USP24: variants seen among roughly 807,000 people sequenced by gnomAD.
The protein encoded by USP24 is ubiquitin carboxyl-terminal hydrolase 24.
USP24 carries 97 observed loss-of-function variants against 361.6 expected under a neutral mutation model. The observed-to-expected ratio is 0.27, with a 90% confidence interval of 0.23 to 0.32. The LOEUF (loss-of-function observed/expected upper bound fraction) is 0.32, where lower values mean the gene tolerates loss of function less well. Among genes scored for constraint, USP24 ranks in the 10% least tolerant of loss-of-function variants. The pLI, the probability that USP24 is intolerant of heterozygous loss-of-function variation, is 1.00. For synonymous variants in USP24, 1,098 were observed against 1,124.6 expected, an observed-to-expected ratio of 0.98 and a Z score of 0.47; for missense variants, 2,353 against 3,165.6, an observed-to-expected ratio of 0.74 and a Z score of 6.16.
chr1:55,083,548 A>C (rs1361815597), intron 57 of USP24, among the ~76,000 whole-genome samples, 184 bp from the exon 58 acceptor site: 6 of 152,194 alleles, frequency 3.9e-5, no homozygotes. Flanking sequence ...CTTCACAATA[A>C]CTACTAAACA....
Position 55,215,166 on chromosome 1 carries a change from G to A in USP24, c.-53C>T. 2 of 1,197,024 alleles carry A rather than the reference G, an allele frequency of 1.7e-6. No individual in the cohort carries two copies. The highest frequency in any genetic ancestry group is 1.0e-6 in the Non-Finnish European group (1 of 963,060). The allele number at this position is 1,197,024 out of a possible 1,614,324, so 74.2% of individuals were successfully genotyped here. ...AGCGCACGGCGAAGCTACGGGTCCC[G>A]GGCCTGGCGGGCCGCGCGGCGCACC... is the stretch of plus-strand genomic sequence containing the variant. On this transcript the variant is annotated 5_prime_UTR_variant, in exon 1 of 68. Coordinates refer to ENST00000294383, the MANE Select transcript of USP24 (RefSeq NM_015306.3).
At chr1:55,112,514 C>T (rs1645984060) in intron 38 of USP24, among the ~76,000 whole-genome samples, 1 of 152,106 alleles carries the variant, frequency 6.6e-6, no homozygotes, top group Non-Finnish European at 1.5e-5. Context: ...TTTATTTCTG[C>T]CTTAATTTCA....
chr1:55,111,141 T>C lies in USP24; in HGVS notation c.4509-895A>G, dbSNP rs182392223. Among the ~76,000 whole-genome samples the C allele has an allele frequency of 4.4e-3, 673 of 152,124 alleles. 2 individuals are homozygous for C. Among genetic ancestry groups the C allele is most frequent in the African/African-American group, 0.016 (650 of 41,538 alleles). On this transcript the variant is annotated intron_variant, in intron 38 of 67. Transcript: ENST00000294383. Reference sequence around the variant, plus strand: ...TTATTATTACCATACTATTTTTTTTTCCTGGTATTTAGCATGCAACTATCA... The same window carrying C: ...TTATTATTACCATACTATTTTTTTTCCCTGGTATTTAGCATGCAACTATCA...
At chr1:55,136,443 T>C (rs2100665306) in intron 28 of USP24, among the ~76,000 whole-genome samples, 1 of 152,264 alleles carries the variant, frequency 6.6e-6, no homozygotes, top group East Asian at 1.9e-4. Context: ...TGGTACAATC[T>C]GACTTATGTT....
intron 41 of USP24, among the ~76,000 whole-genome samples, chr1:55,104,463 T>C (rs1238670008): frequency 6.6e-6 from 1 of 152,164 alleles, no homozygotes; most frequent in East Asian, 1.9e-4. Flanking sequence ...ATGTGGACTT[T>C]CTATGAAAAA....
intron 38 of USP24, among the ~76,000 whole-genome samples, chr1:55,114,789 C>T (rs930317300): frequency 2.0e-5 from 3 of 152,124 alleles, no homozygotes; most frequent in African/African-American, 7.2e-5. Flanking sequence ...ACCATAAAAA[C>T]CCTACAAGAA....
intron 39 of USP24, among the ~76,000 whole-genome samples, 166 bp downstream of exon 39, chr1:55,110,019 T>C (rs1645904398): frequency 6.6e-6 from 1 of 152,206 alleles, no homozygotes; most frequent in Non-Finnish European, 1.5e-5. Flanking sequence ...AAGAGCTCAC[T>C]GGTACACAGG....
At chr1:55,114,408 G>A (rs1467973952) in intron 38 of USP24, among the ~76,000 whole-genome samples, 3 of 152,120 alleles carry the variant, frequency 2.0e-5, no homozygotes, top group Non-Finnish European at 4.4e-5. Context: ...ATTTCATATG[G>A]AACCAAAACA....
intron 12 of USP24, among the ~76,000 whole-genome samples, chr1:55,156,320 G>A (rs945857121): frequency 7.9e-5 from 12 of 151,936 alleles, no homozygotes; most frequent in Non-Finnish European, 1.8e-4. Context: ...AAAGCCACAG[G>A]AATGCCTGCA....
Position 55,125,778 on chromosome 1 carries a change from A to T in USP24, c.3636-20T>A. ...ACCAAACTTCAAAAAGAAGAAAAAA[A>T]GGCAGGATATTAAAGACTTCTATTT... On this transcript the variant is annotated intron_variant, in intron 32 of 67. Coordinates refer to ENST00000294383, the MANE Select transcript of USP24 (RefSeq NM_015306.3). 7 of 1,545,848 alleles carry T rather than the reference A, an allele frequency of 4.5e-6. No individual in the cohort carries two copies. The highest frequency in any genetic ancestry group is 6.1e-6 in the Non-Finnish European group (7 of 1,142,848).
intron 32 of USP24, among the ~76,000 whole-genome samples, chr1:55,126,352 C>T (rs1011331895): frequency 2.0e-5 from 3 of 152,178 alleles, no homozygotes; most frequent in South Asian, 2.1e-4. Flanking sequence ...GTCACCCCAG[C>T]GAAGCTTTTC....
Position 55,172,418 on chromosome 1 carries a change from G to C in USP24, c.661C>G (p.Gln221Glu). The C allele has an allele frequency of 6.2e-7, 1 of 1,613,278 alleles. No individual in the cohort carries two copies. The highest frequency in any genetic ancestry group is 2.2e-5 in the East Asian group (1 of 44,794). ...AGGAGACCAGTGGGAATTGGATCTT[G>C]TTTTATTCTCTCTGCGACCAGTTCT... ...LIELVAERIK[Q>E]DPIPTGLLGV... Residue 221 changes from glutamine (Q) to glutamate (E), a missense_variant, in exon 4 of 68, where the codon CAA (glutamine) becomes GAA (glutamate). Gln to Glu is a conservative substitution (Grantham distance 29). Around this residue, in one of 8 missense-constraint regions of USP24, gnomAD observed 386 missense variants for 560.5 expected, o/e 0.69. Coordinates refer to ENST00000294383, the MANE Select transcript of USP24 (RefSeq NM_015306.3).
Position 55,208,453 on chromosome 1 carries a change from C to A in USP24, c.324+6337G>T, listed in dbSNP as rs563504532. Reference sequence around the variant, plus strand: ...GACCAGCCTGGCCAACATGGTGAAACCCCGTCTCTACTGAAAATATGAAAA... The same window carrying A: ...GACCAGCCTGGCCAACATGGTGAAAACCCGTCTCTACTGAAAATATGAAAA... On this transcript the variant is annotated intron_variant, in intron 1 of 67. Transcript: ENST00000294383. Among the ~76,000 whole-genome samples, 392 of 151,920 alleles carry A rather than the reference C, an allele frequency of 2.6e-3. 2 individuals carry two copies. The highest frequency in any genetic ancestry group is 9.2e-3 in the African/African-American group (380 of 41,428).
intron 1 of USP24, among the ~76,000 whole-genome samples, chr1:55,207,397 C>T (rs745445235): frequency 6.6e-6 from 1 of 151,910 alleles, no homozygotes. Context: ...GTCTTCCTTA[C>T]AAAGATTTTA....
intron 39 of USP24, among the ~76,000 whole-genome samples, chr1:55,109,182 G>A (rs781632914): frequency 2.6e-5 from 4 of 152,066 alleles, no homozygotes; most frequent in East Asian, 1.9e-4. Context: ...TCACCATGTC[G>A]GCCAGGCTGG....
intron 34 of USP24, 94 bp downstream of exon 34, chr1:55,125,226 T>C (rs1486460008): frequency 6.5e-6 from 8 of 1,225,256 alleles, no homozygotes; most frequent in African/African-American, 1.5e-5. Context: ...AATATTCATG[T>C]CTTAATCATT....
intron 39 of USP24, among the ~76,000 whole-genome samples, chr1:55,107,841 C>CAAAAAAAAAAAA (rs777328294): frequency 7.8e-5 from 3 of 38,236 alleles, no homozygotes; most frequent in Non-Finnish European, 9.1e-5. Flanking sequence ...GACTCTGTCT[C>CAAAAAAAAAAAA]AAAAAAAAAA....
At chr1:55,098,606 T>C (rs967478609) in intron 45 of USP24, 48 bp from the exon 46 acceptor site, 9 of 1,339,024 alleles carry the variant, frequency 6.7e-6, no homozygotes, top group East Asian at 2.3e-5. Flanking sequence ...CCTGAACTTA[T>C]GAGTATACAG....
rs1347019313 is a variant in USP24, at chr1:55,100,857, T to A, written c.5253A>T (p.Val1751=). The A allele has an allele frequency of 6.2e-7, 1 of 1,609,932 alleles. No homozygotes were observed. Among genetic ancestry groups the A allele is most frequent in the Non-Finnish European group, 8.5e-7 (1 of 1,178,564 alleles). The stretch of plus-strand genomic sequence containing the variant: ...GAAATACCTTCCAAAAATTCTCAGG[T>A]ACATAGTACTGCAGCTTGCTTTCCA... ...HLMESKLQYY[V]PENFWKIFKM... The change falls in exon 44 of 68, where the codon GTA becomes GTT. Residue 1751 remains valine (V), a synonymous_variant. Transcript: ENST00000294383.
Sources: allele counts gnomAD v4.1 joint callset (sites outside exome capture counted in the v4.1 genomes callset), GRCh38; gene constraint gnomAD v4.1.1; regional missense constraint gnomAD v4.1.1; transcripts MANE v1.5; gene names NCBI Gene and HGNC (gene_info 2026-07-23, HGNC 2026-07-21).